Variants in EVC2 observed in about 807,000 individuals in gnomAD.
EVC2 encodes EvC ciliary complex subunit 2.
EVC2 carries 148 observed loss-of-function variants against 149.3 expected under a neutral mutation model. The ratio of observed to expected loss-of-function variants is 0.99; its 90% CI spans 0.87 to 1.14. The LOEUF is 1.14. EVC2 is among the 50% of genes most tolerant of loss of function. The pLI is 0.00. For synonymous variants in EVC2, 776 were observed against 649.9 expected (o/e 1.19, Z -2.95); for missense variants, 1,854 against 1,627.3 (o/e 1.14, Z -2.40).
chr4:5,587,069 C>A, intron 16 of EVC2, among the ~76,000 whole-genome samples: 1 of 152,196 alleles, frequency 6.6e-6, no homozygotes. Flanking sequence ...ACGTCACACT[C>A]CTTTGTTACT....
rs765432520 is a variant in EVC2, at chr4:5,631,853, G to A, written c.1650C>T (p.Phe550=). Residue 550 remains phenylalanine, a synonymous_variant, in exon 11 of 22, where the codon TTC becomes TTT. Transcript: ENST00000344408. Reference sequence around the variant, plus strand: ...CTGCCTCTGGTTTCAATTCCCCTTTGAAAATAGCACTTTTTATCTGGGTAA... The same window carrying A: ...CTGCCTCTGGTTTCAATTCCCCTTTAAAAATAGCACTTTTTATCTGGGTAA... ...IFFTQIKSAI[F]KGELKPEAAK... is the part of the protein sequence containing the mutation. The A allele has an allele frequency of 6.2e-6, 10 of 1,614,102 alleles. No individual in the cohort carries two copies. Among genetic ancestry groups the A allele is most frequent in the Non-Finnish European group, 8.5e-6 (10 of 1,180,032 alleles).
chr4:5,704,849 G>A (rs544625518), intron 1 of EVC2, among the ~76,000 whole-genome samples: 47 of 150,900 alleles, frequency 3.1e-4, no homozygotes, highest in African/African-American at 1.1e-3. Flanking sequence ...GGGAATACAG[G>A]CATGTGCTAT....
chr4:5,708,056 T>C (rs1224857035), intron 1 of EVC2: 3 of 421,240 alleles, frequency 7.1e-6, no homozygotes, highest in Non-Finnish European at 8.3e-6. Context: ...CCAGGGTCGC[T>C]GGTGAAGTCC....
intron 9 of EVC2, among the ~76,000 whole-genome samples, chr4:5,660,778 C>T (rs1718828191): frequency 6.6e-6 from 1 of 152,146 alleles, no homozygotes; most frequent in Admixed American, 6.5e-5. Context: ...GAAAACTAGG[C>T]TCAGAGAATG....
intron 11 of EVC2, among the ~76,000 whole-genome samples, chr4:5,629,795 T>C (rs7672638): frequency 0.065 from 9,910 of 152,280 alleles, 1,073 homozygotes; most frequent in African/African-American, 0.22. Flanking sequence ...TACAGCAATG[T>C]TCCTGCTCTC....
chr4:5,529,162 A>T, the EVC2 span, among the ~76,000 whole-genome samples: 7 of 152,070 alleles, frequency 4.6e-5, no homozygotes, highest in African/African-American at 1.4e-4. The surrounding 1 kb of genome is among the most constrained non-coding windows in gnomAD (Gnocchi z 4.5). Context: ...CCCTTTCAGA[A>T]ATCTATGCTG....
rs952788219 is a variant in EVC2, at chr4:5,708,259, C to T, written c.228+27G>A. 6 of 1,468,900 alleles carry T rather than the reference C, an allele frequency of 4.1e-6. No homozygotes were observed. In the African/African-American group the frequency reaches 4.4e-5, roughly 11 times the overall value. The allele number at this position is 1,468,900 out of a possible 1,614,324, so 91.0% of individuals were successfully genotyped here. ...CAAAGTCAAACCACTACAGTCAGAC[C>T]GGAGCCTGGGGTCGGGCCCTCCTTA... On this transcript the variant is annotated intron_variant, in intron 1 of 21. Transcript: ENST00000344408.
At position 5,670,928 on chromosome 4, in the gene EVC2, ACAT is replaced by A. The variant is rs549300963; in HGVS notation, c.871-5282_871-5280del. 3.7e-3 allele frequency among the ~76,000 whole-genome samples: 565 copies of A among 151,940 alleles called. 6 individuals are homozygous for A. The highest frequency in any genetic ancestry group is 3.6e-3 in the Non-Finnish European group (244 of 67,922). ...ACCATGACCATCACAATCACTATAA[ACAT>A]CATCAATATCACCATCACCATCATC... is the stretch of plus-strand genomic sequence containing the variant. On this transcript the variant is annotated intron_variant, in intron 7 of 21. Coordinates refer to ENST00000344408, the MANE Select transcript of EVC2 (RefSeq NM_147127.5). This position sits in a 1 kb window ranked among gnomAD's most constrained non-coding sequence, Gnocchi z 5.2.
At chr4:5,598,907 G>C (rs867705290) in intron 16 of EVC2, among the ~76,000 whole-genome samples, 1 of 152,098 alleles carries the variant, frequency 6.6e-6, no homozygotes, top group Non-Finnish European at 1.5e-5. Flanking sequence ...AAAAGTGGGC[G>C]AAGGACATGA....
chr4:5,615,142 C>A (rs968843462), intron 16 of EVC2, among the ~76,000 whole-genome samples: 12 of 152,296 alleles, frequency 7.9e-5, no homozygotes, highest in Middle Eastern at 3.4e-3. Flanking sequence ...CAGCAAGTGA[C>A]TCAGCCAGTG....
chr4:5,600,159 C>A (rs1265724634), intron 16 of EVC2, among the ~76,000 whole-genome samples: 1 of 152,138 alleles, frequency 6.6e-6, no homozygotes, highest in Non-Finnish European at 1.5e-5. Flanking sequence ...AGCTGTGTGA[C>A]CAAGGCAAGT....
At chr4:5,655,999 C>G (rs1718497550) in intron 9 of EVC2, among the ~76,000 whole-genome samples, 1 of 152,174 alleles carries the variant, frequency 6.6e-6, no homozygotes. Context: ...ATCCCTATTC[C>G]TGAGGGAAGT....
At chr4:5,601,558 A>C (rs1393579155) in intron 16 of EVC2, among the ~76,000 whole-genome samples, 1 of 152,070 alleles carries the variant, frequency 6.6e-6, no homozygotes, top group African/African-American at 2.4e-5. Flanking sequence ...TCAACACTGG[A>C]ATCCCGAGAG....
At position 5,665,581 on chromosome 4, in the gene EVC2, G is replaced by C. The variant is rs1322685892; in HGVS notation, c.939C>G (p.Thr313=). The C allele has an allele frequency of 1.9e-6, 3 of 1,614,226 alleles. No homozygotes were observed. The Admixed American group carries it at 5.0e-5, about 27-fold the overall frequency. ...GAACCATGAGGAAGAGGGCAGCCCA[G>C]GTCAGCACAAGGGAGAGGAGGAAGG... ...FIAFLLSLVL[T]WAALFLMVRY... Residue 313 remains threonine, a synonymous_variant, in exon 8 of 22, where the codon ACC becomes ACG. Coordinates refer to ENST00000344408, the MANE Select transcript of EVC2 (RefSeq NM_147127.5).
At chr4:5,650,056 G>C (rs904137210) in intron 9 of EVC2, among the ~76,000 whole-genome samples, 4 of 152,170 alleles carry the variant, frequency 2.6e-5, no homozygotes, top group African/African-American at 9.7e-5. Context: ...GAGGTCAGCA[G>C]TTTGCATCTT....
Position 5,652,876 on chromosome 4 carries a change from G to A in EVC2, c.1145+10231C>T, listed in dbSNP as rs145222197. On this transcript the variant is annotated intron_variant, in intron 9 of 21. Coordinates refer to ENST00000344408, the MANE Select transcript of EVC2 (RefSeq NM_147127.5). ...TAGGGAGATGTATTTGTTTCCTAGG[G>A]TACTTTCCTATGTAGCCAAGTACCA... Among the ~76,000 whole-genome samples, 107 of 152,256 alleles carry A rather than the reference G, an allele frequency of 7.0e-4. No homozygotes were observed. In the East Asian group the frequency reaches 0.016, roughly 23 times the overall value.
At chr4:5,583,236 T>A (rs1711962167) in intron 17 of EVC2, among the ~76,000 whole-genome samples, 1 of 152,248 alleles carries the variant, frequency 6.6e-6, no homozygotes, top group Admixed American at 6.5e-5. Flanking sequence ...ATTAATTTTT[T>A]ATAGATGGCT....
chr4:5,605,950 C>A (rs1238196486), intron 16 of EVC2, among the ~76,000 whole-genome samples: 1 of 152,210 alleles, frequency 6.6e-6, no homozygotes, highest in Non-Finnish European at 1.5e-5. Flanking sequence ...AGAAGCCAAT[C>A]CCCTTCCTGA....
downstream of EVC2, among the ~76,000 whole-genome samples, chr4:5,559,241 C>T (rs564303305): frequency 6.6e-6 from 1 of 152,114 alleles, no homozygotes; most frequent in South Asian, 2.1e-4. This position sits in a 1 kb window ranked among gnomAD's most constrained non-coding sequence, Gnocchi z 5.0. Context: ...CGGGAGAAAG[C>T]CAGAATGATC....
Sources: allele counts gnomAD v4.1 joint callset (sites outside exome capture counted in the v4.1 genomes callset), GRCh38; gene constraint gnomAD v4.1.1; non-coding constraint Gnocchi (gnomAD v3.1); transcripts MANE v1.5; gene names NCBI Gene and HGNC (gene_info 2026-07-23, HGNC 2026-07-21).